Variants in HSD17B12 observed in about 807,000 individuals in gnomAD.
The protein encoded by HSD17B12 is hydroxysteroid 17-beta dehydrogenase 12.
HSD17B12 carries 32 observed loss-of-function variants against 39.3 expected under a neutral mutation model. The ratio of observed to expected loss-of-function variants is 0.81; its 90% confidence interval spans 0.61 to 1.09. The LOEUF is 1.09. Ranked by LOEUF, HSD17B12 falls within the 50% of genes least tolerant of loss-of-function variation. The pLI is 0.00. For missense variants in HSD17B12, 342 were observed against 382.9 expected (o/e 0.89, Z 0.89); for synonymous variants, 150 against 146.7 (o/e 1.02, Z -0.16).
At position 43,758,728 on chromosome 11, in the gene HSD17B12, T is replaced by G. The variant is rs112064437; in HGVS notation, c.283+4607T>G. On this transcript the variant is annotated intron_variant, in intron 3 of 10. Transcript: ENST00000278353. ...CAGAAGAAGCCACAGCTTAGCACAGTCTTTGTACTCATCATTTCTGCCAAA... is the reference window on the plus strand; with the variant it reads ...CAGAAGAAGCCACAGCTTAGCACAGGCTTTGTACTCATCATTTCTGCCAAA... Among the ~76,000 whole-genome samples, 1,280 of 152,312 alleles carry G rather than the reference T, an allele frequency of 8.4e-3. 13 individuals are homozygous for G. Among genetic ancestry groups the G allele is most frequent in the African/African-American group, 0.029 (1,212 of 41,558 alleles).
the HSD17B12 span, among the ~76,000 whole-genome samples, chr11:43,636,920 GGA>G: frequency 1.3e-5 from 2 of 152,074 alleles, no homozygotes. Flanking sequence ...ACCTCATCTG[GGA>G]GGCAGTGTGT....
intron 5 of HSD17B12, 109 bp downstream of exon 5, chr11:43,815,610 C>A: frequency 3.3e-6 from 2 of 612,120 alleles, no homozygotes; most frequent in Non-Finnish European, 5.9e-6. Context: ...CACACGCTGG[C>A]TCTTCTGTTT....
chr11:43,720,522 TTTTCAGCCTC>T (rs1424494418), intron 1 of HSD17B12, among the ~76,000 whole-genome samples: 1 of 152,202 alleles, frequency 6.6e-6, no homozygotes, highest in East Asian at 1.9e-4. Context: ...ACTTTCCACT[TTTTCAGCCTC>T]TGCCTGCCAT....
At chr11:43,590,510 T>TTTTTTTTTTTTC in the HSD17B12 span, among the ~76,000 whole-genome samples, 1 of 113,114 alleles carries the variant, frequency 8.8e-6, no homozygotes, top group Non-Finnish European at 1.9e-5. Flanking sequence ...TGAGTGATTT[T>TTTTTTTTTTTTC]TTTTTTTTTT....
At chr11:43,716,649 A>G (rs927403431) in intron 1 of HSD17B12, among the ~76,000 whole-genome samples, 1 of 151,184 alleles carries the variant, frequency 6.6e-6, no homozygotes, top group Non-Finnish European at 1.5e-5. Flanking sequence ...GGAATTAACA[A>G]TCTAGTTGGG....
At chr11:43,828,212 G>C (rs1455064734) in intron 6 of HSD17B12, among the ~76,000 whole-genome samples, 1 of 147,066 alleles carries the variant, frequency 6.8e-6, no homozygotes, top group Non-Finnish European at 1.5e-5. Flanking sequence ...GCGGGATCTC[G>C]GCTCACTGCA....
chr11:43,762,615 T>G (rs939068099), intron 3 of HSD17B12, among the ~76,000 whole-genome samples: 2 of 152,216 alleles, frequency 1.3e-5, no homozygotes, highest in Non-Finnish European at 2.9e-5. Flanking sequence ...ACTGTCAGAA[T>G]GGAATCCCCT....
At chr11:43,563,233 A>G in the HSD17B12 span, among the ~76,000 whole-genome samples, 1 of 152,190 alleles carries the variant, frequency 6.6e-6, no homozygotes, top group Admixed American at 6.5e-5. Flanking sequence ...ATCCAGTGAT[A>G]ACTAAAACAT....
intron 6 of HSD17B12, among the ~76,000 whole-genome samples, chr11:43,822,599 T>G (rs1195102241): frequency 6.6e-6 from 1 of 152,152 alleles, no homozygotes; most frequent in Non-Finnish European, 1.5e-5. Flanking sequence ...TTTTTGGCCT[T>G]GCGATAGTTT....
At chr11:43,662,239 C>T in the HSD17B12 span, among the ~76,000 whole-genome samples, 1 of 150,772 alleles carries the variant, frequency 6.6e-6, no homozygotes, top group Admixed American at 6.6e-5. Context: ...CAATCTGTCA[C>T]CTAGGCTGGA....
the HSD17B12 span, among the ~76,000 whole-genome samples, chr11:43,614,121 C>T: frequency 6.6e-6 from 1 of 152,144 alleles, no homozygotes; most frequent in South Asian, 2.1e-4. Context: ...CTCTTCACTC[C>T]TTTGTTTATG....
chr11:43,850,247 G>A (rs1518822), intron 9 of HSD17B12, among the ~76,000 whole-genome samples: 99,657 of 152,044 alleles, frequency 0.66, 32,999 homozygotes, highest in East Asian at 0.76. Flanking sequence ...AAAGTAATAC[G>A]CACTCCAAAA....
intron 1 of HSD17B12, among the ~76,000 whole-genome samples, chr11:43,704,795 C>T (rs1490292396): frequency 6.6e-6 from 1 of 152,128 alleles, no homozygotes; most frequent in Non-Finnish European, 1.5e-5. Flanking sequence ...GGATGGATAC[C>T]TGTGGCCACC....
intron 1 of HSD17B12, among the ~76,000 whole-genome samples, chr11:43,749,420 A>AG (rs1950445175): frequency 6.6e-6 from 1 of 152,154 alleles, no homozygotes; most frequent in Non-Finnish European, 1.5e-5. Flanking sequence ...TAGGAATGAG[A>AG]TAATGGTATT....
chr11:43,601,297 G>A, the HSD17B12 span, among the ~76,000 whole-genome samples: 2 of 151,820 alleles, frequency 1.3e-5, no homozygotes, highest in Non-Finnish European at 2.9e-5. Flanking sequence ...GGTTGTTTCT[G>A]TGTCTTTTGC....
chr11:43,757,639 CAAAAAAAAA>C (rs60598991), intron 3 of HSD17B12, among the ~76,000 whole-genome samples: 82 of 7,208 alleles, frequency 0.011, no homozygotes, highest in African/African-American at 0.017. Flanking sequence ...GACTCCGTCT[CAAAAAAAAA>C]AAAAAAAAAA....
the HSD17B12 span, among the ~76,000 whole-genome samples, chr11:43,628,145 A>T: frequency 6.6e-6 from 1 of 151,762 alleles, no homozygotes; most frequent in Non-Finnish European, 1.5e-5. Context: ...AATAAAAATG[A>T]TTTCATTTAA....
intron 1 of HSD17B12, among the ~76,000 whole-genome samples, chr11:43,706,911 T>G (rs1313922501): frequency 6.6e-6 from 1 of 152,206 alleles, no homozygotes; most frequent in African/African-American, 2.4e-5. Flanking sequence ...ATTACAGGTT[T>G]TAATTTTGAA....
At position 43,855,296 on chromosome 11, in the gene HSD17B12, C is replaced by A; in HGVS notation, c.*48C>A. The A allele has an allele frequency of 2.6e-6, 3 of 1,137,870 alleles. No individual in the cohort carries two copies. The highest frequency in any genetic ancestry group is 1.4e-5 in the South Asian group (1 of 71,130). The allele number at this position is 1,137,870 out of a possible 1,614,324, so 70.5% of individuals were successfully genotyped here. On this transcript the variant is annotated 3_prime_UTR_variant, in exon 11 of 11. Coordinates refer to ENST00000278353, the MANE Select transcript of HSD17B12 (RefSeq NM_016142.3). The stretch of plus-strand genomic sequence containing the variant: ...TTGGCCAGATGCTCCAGCATATGCA[C>A]GTTCACTGCAAAGCACCCTACTGGT...
Sources: allele counts gnomAD v4.1 joint callset (sites outside exome capture counted in the v4.1 genomes callset), GRCh38; gene constraint gnomAD v4.1.1; transcripts MANE v1.5; gene names NCBI Gene and HGNC (gene_info 2026-07-23, HGNC 2026-07-21).